PSD2: variants seen among roughly 807,000 people sequenced by gnomAD.
PSD2 encodes the protein PH and SEC7 domain-containing protein 2.
A neutral mutation model predicts 69.8 loss-of-function variants in PSD2; 38 were observed. The observed-to-expected ratio is 0.54, with a 90% confidence interval of 0.42 to 0.71. PSD2 has a LOEUF of 0.71. Among genes scored for constraint, PSD2 ranks in the 30% least tolerant of loss-of-function variants. The pLI, the probability that PSD2 is intolerant of heterozygous loss-of-function variation, is 0.00. For missense variants in PSD2, 943 were observed against 1,014.5 expected (o/e 0.93, Z 0.96); for synonymous variants, 412 against 423.0 (o/e 0.97, Z 0.32).
At chr5:139,791,680 A>G (rs759491998), upstream of PSD2, among the ~76,000 whole-genome samples, 2 of 152,216 alleles carry the variant, frequency 1.3e-5, no homozygotes, top group Admixed American at 6.5e-5. Flanking sequence ...GACAGATACA[A>G]CCTTGCATCA....
At chr5:139,827,443 T>C (rs1306366735) in intron 7 of PSD2, among the ~76,000 whole-genome samples, 3 of 152,240 alleles carry the variant, frequency 2.0e-5, no homozygotes, top group Non-Finnish European at 4.4e-5. Flanking sequence ...TAGTCAGTGC[T>C]GGGCTTTTTC....
Position 139,837,568 on chromosome 5 carries a change from G to A in PSD2, c.1666-57G>A, listed in dbSNP as rs1760765583. On this transcript the variant is annotated intron_variant, in intron 11 of 14. Coordinates refer to ENST00000274710, the MANE Select transcript of PSD2 (RefSeq NM_032289.4). This position sits in a 1 kb window ranked among gnomAD's most constrained non-coding sequence, Gnocchi z 5.0. ...GGTTAGACAGAGAGCAGTGAGGGGA[G>A]GGGAGAGTGGAAGGTGTGGGTCAGT... The A allele has an allele frequency of 6.6e-7, 1 of 1,520,362 alleles. No homozygotes were observed. Among genetic ancestry groups the A allele is most frequent in the Non-Finnish European group, 8.9e-7 (1 of 1,118,102 alleles). 94.2% of individuals were successfully genotyped at this position (1,520,362 alleles called of 1,614,324 possible).
At chr5:139,808,654 C>T (rs1250400882) in intron 1 of PSD2, among the ~76,000 whole-genome samples, 1 of 152,202 alleles carries the variant, frequency 6.6e-6, no homozygotes, top group African/African-American at 2.4e-5. Context: ...GAGGGGAACC[C>T]CAGGCCTCCT....
intron 4 of PSD2, among the ~76,000 whole-genome samples, chr5:139,815,613 G>T (rs1394065638): frequency 6.6e-6 from 1 of 152,054 alleles, no homozygotes; most frequent in Non-Finnish European, 1.5e-5. Context: ...GAATCTGGTG[G>T]TTGCTCCCCA....
chr5:139,838,277 G>C (rs1191880963), intron 12 of PSD2, among the ~76,000 whole-genome samples: 1 of 152,148 alleles, frequency 6.6e-6, no homozygotes, highest in Non-Finnish European at 1.5e-5. Flanking sequence ...GCAGGCAGCG[G>C]GGGAGGGCAG....
chr5:139,766,854 T>G, the PSD2 span, among the ~76,000 whole-genome samples: 1 of 149,696 alleles, frequency 6.7e-6, no homozygotes, highest in East Asian at 2.0e-4. Context: ...TTTCTTTCTT[T>G]CTTTCTTTCT....
At chr5:139,762,888 G>C in the PSD2 span, among the ~76,000 whole-genome samples, 2 of 152,256 alleles carry the variant, frequency 1.3e-5, no homozygotes, top group East Asian at 3.9e-4. Context: ...CCTGGGGGGA[G>C]AGCAGCGGAG....
At chr5:139,773,679 G>C in the PSD2 span, among the ~76,000 whole-genome samples, 1 of 152,146 alleles carries the variant, frequency 6.6e-6, no homozygotes. Flanking sequence ...TTTTAAGGCT[G>C]AGTAGTACTC....
chr5:139,789,026 C>T, the PSD2 span, among the ~76,000 whole-genome samples: 8 of 152,324 alleles, frequency 5.3e-5, no homozygotes, highest in East Asian at 1.5e-3. Context: ...CGTTTGCAGA[C>T]CAGACCGGGG....
At chr5:139,805,212 C>T (rs979983801) in intron 1 of PSD2, among the ~76,000 whole-genome samples, 5 of 152,338 alleles carry the variant, frequency 3.3e-5, no homozygotes, top group Admixed American at 6.5e-5. Context: ...TGGGCCCCAC[C>T]TCCAGCCCTG....
chr5:139,789,442 G>A, the PSD2 span, among the ~76,000 whole-genome samples: 2 of 152,166 alleles, frequency 1.3e-5, no homozygotes, highest in Non-Finnish European at 2.9e-5. Flanking sequence ...TGTGTGTTTC[G>A]AAGCCCTTCT....
intron 7 of PSD2, among the ~76,000 whole-genome samples, chr5:139,830,114 A>G (rs560412224): frequency 6.6e-5 from 10 of 150,758 alleles, no homozygotes; most frequent in Non-Finnish European, 1.3e-4. Flanking sequence ...TGTTTCTCTA[A>G]TGATTAGTGA....
the PSD2 span, among the ~76,000 whole-genome samples, chr5:139,750,451 CT>C: frequency 6.6e-6 from 1 of 152,244 alleles, no homozygotes; most frequent in African/African-American, 2.4e-5. Flanking sequence ...CTCAGGAGGG[CT>C]GCCCTCCATG....
the PSD2 span, among the ~76,000 whole-genome samples, chr5:139,780,748 C>T: frequency 6.6e-6 from 1 of 152,156 alleles, no homozygotes; most frequent in Non-Finnish European, 1.5e-5. Context: ...CTGCTGTCCT[C>T]ATTAAATTCC....
the PSD2 span, among the ~76,000 whole-genome samples, chr5:139,761,767 C>T: frequency 2.6e-5 from 4 of 152,310 alleles, no homozygotes; most frequent in South Asian, 8.3e-4. Context: ...GGGAGATCAT[C>T]CATGGCTTAG....
At chr5:139,803,136 T>C (rs1481241380) in intron 1 of PSD2, among the ~76,000 whole-genome samples, 2 of 152,358 alleles carry the variant, frequency 1.3e-5, no homozygotes, top group South Asian at 2.1e-4. Flanking sequence ...GGAGTGAGCC[T>C]GGCCTTGGGT....
intron 7 of PSD2, among the ~76,000 whole-genome samples, chr5:139,830,000 C>CT (rs929113143): frequency 5.6e-4 from 62 of 110,526 alleles, no homozygotes; most frequent in Middle Eastern, 5.1e-3. Context: ...CAACCCTTTT[C>CT]TTTTTTTTTG....
At position 139,813,265 on chromosome 5, in the gene PSD2, G is replaced by C. The variant is rs781455895; in HGVS notation, c.372-44G>C. 4 of 1,486,894 alleles carry C rather than the reference G, an allele frequency of 2.7e-6. No homozygotes were observed. In the East Asian group the frequency reaches 9.2e-5, roughly 34 times the overall value. The allele number at this position is 1,486,894 out of a possible 1,614,324, so 92.1% of individuals were successfully genotyped here. A position where few individuals can be genotyped will look rare whatever the true frequency, so the allele number is the denominator to read the frequency against. ...AGTGTAGTCACCAGCACCTGTATGG[G>C]GGACAGCTTGGCAGGATGGTGACTG... On this transcript the variant is annotated intron_variant, in intron 2 of 14. Coordinates refer to ENST00000274710, the MANE Select transcript of PSD2 (RefSeq NM_032289.4).
In PSD2 at chr5:139,813,682, G is replaced by A. The variant is rs781460620; in HGVS notation, c.745G>A (p.Glu249Lys). ...CATGGCCATGCCCAATGGATTCCAT[G>A]AAGATGGCCCTCAGGGCCCAGGGGG... ...SLMAMPNGFHEDGPQGPGGDE... is the reference protein window; with the variant it reads ...SLMAMPNGFHKDGPQGPGGDE... The change falls in exon 3 of 15, where the codon GAA (glutamate) becomes AAA (lysine). Residue 249 changes from glutamate (E) to lysine (K), a missense_variant. Physicochemically the swap from Glu to Lys is moderately conservative, Grantham distance 56. Transcript: ENST00000274710. 3.4e-5 allele frequency: 55 copies of A among 1,613,824 alleles called. No homozygotes were observed. In the South Asian group the frequency reaches 5.1e-4, roughly 15 times the overall value.
Sources: gnomAD v4.1 joint callset for allele counts (sites outside exome capture counted in the v4.1 genomes callset) on GRCh38, gnomAD v4.1.1 for gene constraint, Gnocchi (gnomAD v3.1) non-coding constraint, MANE v1.5 for transcripts, NCBI Gene and HGNC (gene_info 2026-07-23, HGNC 2026-07-21) for gene names.